The following GRM5 variants were observed in gnomAD, a reference collection of about 807,000 sequenced individuals.
GRM5 encodes the protein metabotropic glutamate receptor 5.
Under a neutral mutation model 83.1 loss-of-function variants are expected in GRM5, and 19 were observed. The ratio of observed to expected loss-of-function variants is 0.23; its 90% confidence interval spans 0.16 to 0.34. The LOEUF (loss-of-function observed/expected upper bound fraction) is 0.34, where lower values mean the gene tolerates loss of function less well. Ranked by LOEUF, GRM5 falls within the 10% of genes least tolerant of loss-of-function variation. The pLI is 1.00. For missense variants in GRM5, 1,160 were observed against 1,588.3 expected, an observed-to-expected ratio of 0.73 and a Z score of 4.58; for synonymous variants, 675 against 633.6, an observed-to-expected ratio of 1.07 and a Z score of -0.98.
chr11:88,973,587 T>A (rs550310302), intron 2 of GRM5, among the ~76,000 whole-genome samples: 4 of 152,088 alleles, frequency 2.6e-5, no homozygotes, highest in Non-Finnish European at 5.9e-5. Flanking sequence ...AAGGAACAGA[T>A]CTCTCTCTGG....
intron 2 of GRM5, among the ~76,000 whole-genome samples, chr11:88,903,369 C>T (rs1037225150): frequency 1.6e-4 from 24 of 152,122 alleles, no homozygotes; most frequent in African/African-American, 4.6e-4. Flanking sequence ...ATAGAATTAC[C>T]ATTTGATTCA....
chr11:88,605,013 G>A (rs141337103), intron 4 of GRM5, 49 bp from the exon 5 acceptor site: 22 of 1,502,064 alleles, frequency 1.5e-5, no homozygotes, highest in African/African-American at 1.1e-4. Flanking sequence ...ATCTACTCTC[G>A]CGACATTCCT....
chr11:88,832,256 C>G (rs1325782684), intron 3 of GRM5, among the ~76,000 whole-genome samples: 1 of 152,094 alleles, frequency 6.6e-6, no homozygotes, highest in Non-Finnish European at 1.5e-5. Context: ...CCTTTTAGAT[C>G]TAATAAATTT....
chr11:88,894,737 G>A (rs1263081428), intron 2 of GRM5, among the ~76,000 whole-genome samples: 9 of 152,046 alleles, frequency 5.9e-5, no homozygotes, highest in East Asian at 1.9e-4. Context: ...ATTAAGAAAC[G>A]GGGATTTGGG....
chr11:88,576,274 G>C (rs1205908848), intron 7 of GRM5, among the ~76,000 whole-genome samples: 2 of 152,108 alleles, frequency 1.3e-5, no homozygotes, highest in African/African-American at 4.8e-5. Context: ...CTGACTGACA[G>C]GTTCCTCTCA....
At chr11:88,777,138 CT>C (rs997216709) in intron 3 of GRM5, among the ~76,000 whole-genome samples, 40 of 152,118 alleles carry the variant, frequency 2.6e-4, no homozygotes, top group African/African-American at 9.7e-4. Flanking sequence ...TTGTTCATTT[CT>C]TTTTACTCCT....
chr11:88,564,062 C>T (rs1394784860), intron 8 of GRM5, among the ~76,000 whole-genome samples: 1 of 152,140 alleles, frequency 6.6e-6, no homozygotes, highest in East Asian at 1.9e-4. Context: ...ATAGCTTTCC[C>T]TGCCCCTTTT....
intron 3 of GRM5, among the ~76,000 whole-genome samples, chr11:88,845,241 G>GT (rs1398014489): frequency 3.3e-5 from 5 of 150,982 alleles, no homozygotes; most frequent in Non-Finnish European, 5.9e-5. Context: ...ACCCTAATCA[G>GT]TCAGCAGCCA....
intron 3 of GRM5, among the ~76,000 whole-genome samples, chr11:88,755,817 G>C (rs952208965): frequency 6.6e-6 from 1 of 152,092 alleles, no homozygotes; most frequent in African/African-American, 2.4e-5. Flanking sequence ...GTCAAGGTGA[G>C]AATTTTCTAC....
At chr11:88,627,673 C>A (rs188380570) in intron 4 of GRM5, among the ~76,000 whole-genome samples, 186 of 152,216 alleles carry the variant, frequency 1.2e-3, no homozygotes, top group African/African-American at 4.4e-3. Context: ...AAAATTGAAT[C>A]TTTTAAGTCA....
intron 2 of GRM5, among the ~76,000 whole-genome samples, chr11:88,992,655 G>A (rs1940020925): frequency 6.6e-6 from 1 of 151,478 alleles, no homozygotes; most frequent in Admixed American, 6.6e-5. Flanking sequence ...AAGAAAATGT[G>A]TCACATATAC....
chr11:88,743,434 A>G (rs555774173), intron 3 of GRM5, among the ~76,000 whole-genome samples: 2 of 152,246 alleles, frequency 1.3e-5, no homozygotes, highest in South Asian at 4.1e-4. Flanking sequence ...TCAGTTTCCA[A>G]ACATCTAGGA....
chr11:88,579,476 A>T (rs1346866520), intron 7 of GRM5, among the ~76,000 whole-genome samples: 1 of 152,172 alleles, frequency 6.6e-6, no homozygotes, highest in Non-Finnish European at 1.5e-5. Context: ...GTAGAACTGG[A>T]TATGAGGGGG....
intron 2 of GRM5, among the ~76,000 whole-genome samples, chr11:88,993,482 T>G (rs1327355566): frequency 6.6e-6 from 1 of 152,140 alleles, no homozygotes; most frequent in Non-Finnish European, 1.5e-5. Context: ...GTACCATACT[T>G]TCTAAATTAT....
rs187372282 is a variant in GRM5, at chr11:88,759,067, A to G, written c.911+90839T>C. On this transcript the variant is annotated intron_variant, in intron 3 of 9. Coordinates refer to ENST00000305447, the MANE Select transcript of GRM5 (RefSeq NM_001143831.3). ...CCTGTTACCACCAAACCTGCCTTAC[A>G]ACTCCCAAAGAAAGAACTAAATATA... 1.7e-4 allele frequency among the ~76,000 whole-genome samples: 26 copies of G among 152,302 alleles called. No homozygotes were observed. The East Asian group carries it at 5.0e-3, about 29-fold the overall frequency.
intron 4 of GRM5, 43 bp downstream of exon 4, chr11:88,653,124 AC>A (rs1939675747): frequency 8.3e-7 from 1 of 1,197,792 alleles, no homozygotes; most frequent in Non-Finnish European, 1.2e-6. Context: ...TTAAATTGGA[AC>A]CTTAGCCTTA....
At chr11:88,791,230 A>T (rs938825012) in intron 3 of GRM5, among the ~76,000 whole-genome samples, 1 of 152,192 alleles carries the variant, frequency 6.6e-6, no homozygotes, top group Non-Finnish European at 1.5e-5. Flanking sequence ...TGGCAATGGT[A>T]AGATAATGCA....
At chr11:88,653,483 G>T in intron 3 of GRM5, 80 bp from the exon 4 acceptor site, 1 of 906,000 alleles carries the variant, frequency 1.1e-6, no homozygotes, top group Non-Finnish European at 1.7e-6. Flanking sequence ...CTTTTGACAA[G>T]ATTAGTCATT....
chr11:88,984,011 C>T (rs1457075147), intron 2 of GRM5, among the ~76,000 whole-genome samples: 1 of 151,852 alleles, frequency 6.6e-6, no homozygotes, highest in African/African-American at 2.4e-5. Flanking sequence ...CACAGCTCTT[C>T]AATATGTTTG....
Sources: gnomAD v4.1 joint callset for allele counts (sites outside exome capture counted in the v4.1 genomes callset) on GRCh38, gnomAD v4.1.1 for gene constraint, MANE v1.5 for transcripts, NCBI Gene and HGNC (gene_info 2026-07-23, HGNC 2026-07-21) for gene names.